The following GRM8 variants were observed in gnomAD, a reference collection of about 807,000 sequenced individuals.
GRM8 encodes the protein glutamate metabotropic receptor 8, also known as metabotropic glutamate receptor 8.
A neutral mutation model predicts 87.2 loss-of-function variants in GRM8; 47 were observed. The observed-to-expected ratio is 0.54, with a 90% CI of 0.43 to 0.69. The LOEUF (loss-of-function observed/expected upper bound fraction) is 0.69. GRM8 is among the 30% of genes least tolerant of loss of function. The pLI is 0.00. For synonymous variants in GRM8, 396 were observed against 404.5 expected (o/e 0.98, Z 0.25); for missense variants, 1,019 against 1,139.2 (o/e 0.89, Z 1.52).
intron 7 of GRM8, among the ~76,000 whole-genome samples, chr7:126,710,681 G>A (rs1811009539): frequency 6.6e-6 from 1 of 152,086 alleles, no homozygotes. Context: ...CTGAAGTCTT[G>A]AACCCTTTAA....
At chr7:126,811,886 C>CCA (rs1454627553) in intron 6 of GRM8, among the ~76,000 whole-genome samples, 15 of 151,756 alleles carry the variant, frequency 9.9e-5, no homozygotes, top group African/African-American at 3.6e-4. Context: ...GCTAGGACCT[C>CCA]CAGTACTATA....
chr7:126,746,881 G>T (rs1486510199), intron 7 of GRM8, among the ~76,000 whole-genome samples: 1 of 151,586 alleles, frequency 6.6e-6, no homozygotes. Flanking sequence ...CAATTTTTCA[G>T]TTTCATACTT....
At chr7:126,623,397 G>A (rs1563025460) in intron 7 of GRM8, among the ~76,000 whole-genome samples, 1 of 151,990 alleles carries the variant, frequency 6.6e-6, no homozygotes, top group South Asian at 2.1e-4. Context: ...AAATATTGAG[G>A]TACTTTATGC....
intron 7 of GRM8, among the ~76,000 whole-genome samples, chr7:126,754,183 T>C (rs1308158938): frequency 6.6e-6 from 1 of 151,888 alleles, no homozygotes; most frequent in Non-Finnish European, 1.5e-5. Context: ...GTCCCTTGTG[T>C]TATCAAATAG....
intron 7 of GRM8, among the ~76,000 whole-genome samples, chr7:126,647,923 T>C (rs1312178622): frequency 6.6e-6 from 1 of 152,148 alleles, no homozygotes; most frequent in Non-Finnish European, 1.5e-5. Flanking sequence ...TTAATCAAAA[T>C]TCTTCAATGG....
At chr7:126,822,618 T>C (rs1311792173) in intron 6 of GRM8, among the ~76,000 whole-genome samples, 2 of 151,322 alleles carry the variant, frequency 1.3e-5, no homozygotes, top group African/African-American at 4.9e-5. Flanking sequence ...GAGTGCAGTG[T>C]CTATTCACAG....
intron 3 of GRM8, among the ~76,000 whole-genome samples, chr7:127,026,228 T>G (rs1816763370): frequency 6.6e-6 from 1 of 152,184 alleles, no homozygotes; most frequent in African/African-American, 2.4e-5. Context: ...TGTGCCACAT[T>G]TTCTTTATCC....
At chr7:127,165,103 CT>C (rs1159625668) in intron 2 of GRM8, among the ~76,000 whole-genome samples, 2 of 132,886 alleles carry the variant, frequency 1.5e-5, no homozygotes, top group Admixed American at 8.0e-5. Context: ...ATGGAGCTTC[CT>C]TTCTAGCAGG....
intron 8 of GRM8, among the ~76,000 whole-genome samples, chr7:126,563,153 C>A (rs757461669): frequency 3.9e-5 from 6 of 152,110 alleles, no homozygotes; most frequent in Non-Finnish European, 8.8e-5. Context: ...AGGCATCTGG[C>A]CTTGTATAAT....
At chr7:127,250,315 G>A (rs889640409) in intron 1 of GRM8, among the ~76,000 whole-genome samples, 16 of 152,336 alleles carry the variant, frequency 1.1e-4, no homozygotes, top group African/African-American at 3.6e-4. Context: ...CCTTTTGGAT[G>A]TAGATGTTTT....
chr7:126,702,438 C>G (rs1810040287), intron 7 of GRM8, among the ~76,000 whole-genome samples: 1 of 152,174 alleles, frequency 6.6e-6, no homozygotes, highest in South Asian at 2.1e-4. Flanking sequence ...GATTTAGACA[C>G]AGACAACCAG....
chr7:127,021,156 TAAA>T (rs1816224421), intron 3 of GRM8, among the ~76,000 whole-genome samples: 2 of 151,870 alleles, frequency 1.3e-5, no homozygotes, highest in South Asian at 2.1e-4. Context: ...AATTATTACT[TAAA>T]GAAGAAAGAG....
intron 3 of GRM8, chr7:127,095,774 C>A (rs747078398): frequency 1.3e-5 from 2 of 152,120 alleles, no homozygotes; most frequent in African/African-American, 2.4e-5. Flanking sequence ...GGGGGCAATG[C>A]CTCTAAATGA....
intron 2 of GRM8, among the ~76,000 whole-genome samples, chr7:127,223,897 A>G (rs1185289757): frequency 7.1e-6 from 1 of 140,372 alleles, no homozygotes; most frequent in Non-Finnish European, 1.5e-5. Flanking sequence ...GGACTGAAAT[A>G]TATTATAAAT....
chr7:126,996,951 A>T (rs1813232997), intron 3 of GRM8, among the ~76,000 whole-genome samples: 1 of 152,076 alleles, frequency 6.6e-6, no homozygotes, highest in South Asian at 2.1e-4. Context: ...CATCTAATAG[A>T]TATTTACAGA....
At chr7:127,039,162 T>C (rs906131450) in intron 3 of GRM8, among the ~76,000 whole-genome samples, 1 of 152,214 alleles carries the variant, frequency 6.6e-6, no homozygotes, top group Non-Finnish European at 1.5e-5. Context: ...TAAACATTCA[T>C]ATGTTGAAGT....
chr7:127,109,446 C>G (rs28951993), intron 2 of GRM8, among the ~76,000 whole-genome samples: 62 of 152,296 alleles, frequency 4.1e-4, no homozygotes, highest in East Asian at 4.1e-3. Context: ...ATCTTCCTCC[C>G]CTGACCTGTA....
intron 2 of GRM8, among the ~76,000 whole-genome samples, chr7:127,194,041 T>A (rs928154585): frequency 6.6e-6 from 1 of 152,156 alleles, no homozygotes; most frequent in Admixed American, 6.5e-5. Flanking sequence ...AAGACCCTCA[T>A]TTACCACCAG....
At chr7:126,576,209 A>C (rs971156053) in intron 8 of GRM8, among the ~76,000 whole-genome samples, 2 of 152,208 alleles carry the variant, frequency 1.3e-5, no homozygotes, top group Non-Finnish European at 2.9e-5. Flanking sequence ...ACAAATGGCA[A>C]AAGAAGACTC....
Sources: allele counts gnomAD v4.1 joint callset (sites outside exome capture counted in the v4.1 genomes callset), GRCh38; gene constraint gnomAD v4.1.1; transcripts MANE v1.5; gene names NCBI Gene and HGNC (gene_info 2026-07-23, HGNC 2026-07-21).